DLGAP2: variants seen among roughly 807,000 people sequenced by gnomAD.
DLGAP2 encodes DLG associated protein 2.
DLGAP2 carries 26 observed loss-of-function variants against 100.3 expected under a neutral mutation model. The observed-to-expected ratio is 0.26, with a 90% CI of 0.19 to 0.36. The LOEUF is 0.36. Ranked by LOEUF, DLGAP2 falls within the 10% of genes least tolerant of loss-of-function variation. DLGAP2 has a pLI of 1.00. For synonymous variants in DLGAP2, 886 were observed against 630.1 expected (o/e 1.41, Z -6.08); for missense variants, 1,858 against 1,453.2 (o/e 1.28, Z -4.53).
chr8:1,485,321 C>A (rs527506407), intron 3 of DLGAP2, among the ~76,000 whole-genome samples: 40 of 152,236 alleles, frequency 2.6e-4, no homozygotes, highest in African/African-American at 8.9e-4. Flanking sequence ...TATCATTTTT[C>A]CACCTAGAGC....
intron 1 of DLGAP2, among the ~76,000 whole-genome samples, chr8:828,428 GA>G (rs1278353723): frequency 2.6e-5 from 4 of 152,192 alleles, no homozygotes; most frequent in Non-Finnish European, 5.9e-5. Context: ...ATTTGCTTTT[GA>G]AAGAAGAGAA....
At chr8:1,377,310 C>T (rs549771594) in intron 3 of DLGAP2, among the ~76,000 whole-genome samples, 13 of 152,244 alleles carry the variant, frequency 8.5e-5, no homozygotes, top group South Asian at 2.1e-4. Context: ...TTTGGGAGGC[C>T]GAGGCGGGCG....
intron 2 of DLGAP2, among the ~76,000 whole-genome samples, chr8:993,746 T>C (rs1482440687): frequency 6.6e-6 from 1 of 150,470 alleles, no homozygotes; most frequent in Non-Finnish European, 1.5e-5. Context: ...AGCAGTTCTC[T>C]AGATGCAGAC....
chr8:854,313 C>A (rs1374938672), intron 1 of DLGAP2, among the ~76,000 whole-genome samples: 1 of 152,058 alleles, frequency 6.6e-6, no homozygotes, highest in Non-Finnish European at 1.5e-5. Flanking sequence ...TGAGTGGGGG[C>A]CTTCAGTGGG....
chr8:1,455,070 C>G (rs1798269579), intron 3 of DLGAP2, among the ~76,000 whole-genome samples: 2 of 152,216 alleles, frequency 1.3e-5, no homozygotes, highest in South Asian at 2.1e-4. Context: ...AGGTTCCAGA[C>G]ACATCATCAG....
chr8:1,152,127 G>T (rs765364504), intron 2 of DLGAP2, among the ~76,000 whole-genome samples: 6 of 152,040 alleles, frequency 3.9e-5, no homozygotes, highest in Non-Finnish European at 8.8e-5. Context: ...ATATTTACTG[G>T]CTATATTTCT....
rs559342463 is a variant in DLGAP2 at position 1,444,502 on chromosome 8, C to G, written c.107-56864C>G. 8.3e-4 allele frequency among the ~76,000 whole-genome samples: 126 copies of G among 152,248 alleles called. 1 individual carries two copies. The Middle Eastern group carries it at 0.014, about 16-fold the overall frequency. Reference sequence around the variant, plus strand: ...ATCTGCCTTCATTTGCATGGTGGGTCTTTGCATTTCTTATGGAATTTTTTA... The same window carrying G: ...ATCTGCCTTCATTTGCATGGTGGGTGTTTGCATTTCTTATGGAATTTTTTA... On this transcript the variant is annotated intron_variant, in intron 3 of 14. Transcript: ENST00000637795.
Position 1,701,972 on chromosome 8 carries a change from A to G in DLGAP2, c.*566A>G, listed in dbSNP as rs1799586816. ...CTGTCTGTCTCGGACAGAAAACACG[A>G]GGCTCCTTGTGTCAAGCTTCCTGTG... On this transcript the variant is annotated 3_prime_UTR_variant, in exon 15 of 15. Transcript: ENST00000637795. 6.6e-6 allele frequency: 1 copy of G among 152,164 alleles called. No homozygotes were observed. The highest frequency in any genetic ancestry group is 2.4e-5 in the African/African-American group (1 of 41,412). The allele number at this position is 152,164 out of a possible 1,614,324, so 9.4% of individuals were successfully genotyped here.
chr8:1,289,401 G>C (rs760595231), intron 3 of DLGAP2, among the ~76,000 whole-genome samples: 2 of 152,188 alleles, frequency 1.3e-5, no homozygotes, highest in African/African-American at 2.4e-5. Context: ...TCCACTGTTA[G>C]TTCAGAGTGG....
rs148017331 is a variant in DLGAP2, at chr8:892,208, C to A, written c.19-15704C>A. ...CCAGCCGTTCCCCTCCTGAGTTGATCCAAATGATAGACAGCGGGGTCTCGG... is the reference window on the plus strand; with the variant it reads ...CCAGCCGTTCCCCTCCTGAGTTGATACAAATGATAGACAGCGGGGTCTCGG... On this transcript the variant is annotated intron_variant, in intron 1 of 14. Coordinates refer to ENST00000637795, the MANE Select transcript of DLGAP2 (RefSeq NM_001346810.2). Among the ~76,000 whole-genome samples the A allele has an allele frequency of 4.6e-3, 699 of 152,292 alleles. 4 individuals are homozygous for A. The highest frequency in any genetic ancestry group is 0.016 in the African/African-American group (652 of 41,558).
chr8:1,244,272 A>G (rs1214571862), intron 2 of DLGAP2, among the ~76,000 whole-genome samples: 4 of 152,234 alleles, frequency 2.6e-5, no homozygotes, highest in African/African-American at 7.2e-5. Flanking sequence ...CTCTGTCACA[A>G]TGTGGAGGTG....
At chr8:1,515,040 A>ACGTGCAGGGAGACCG (rs1563195536) in intron 4 of DLGAP2, among the ~76,000 whole-genome samples, 15 of 151,358 alleles carry the variant, frequency 9.9e-5, no homozygotes, top group East Asian at 2.0e-4. Context: ...CAGGGAGACC[A>ACGTGCAGGGAGACCG]ACGTGCAGGG....
At chr8:1,542,036 C>A (rs539995690) in intron 4 of DLGAP2, among the ~76,000 whole-genome samples, 24 of 152,328 alleles carry the variant, frequency 1.6e-4, no homozygotes, top group Admixed American at 1.4e-3. Flanking sequence ...CAGGAAACAG[C>A]TTCAGCCACA....
At chr8:1,435,992 A>G (rs1797611096) in intron 3 of DLGAP2, among the ~76,000 whole-genome samples, 1 of 152,232 alleles carries the variant, frequency 6.6e-6, no homozygotes, top group Admixed American at 6.5e-5. Flanking sequence ...CAGCCTTACA[A>G]GAGAGTCAAA....
intron 3 of DLGAP2, among the ~76,000 whole-genome samples, chr8:1,333,137 G>A (rs1358434327): frequency 6.6e-6 from 1 of 152,182 alleles, no homozygotes; most frequent in Non-Finnish European, 1.5e-5. Flanking sequence ...TCCGGCTGCA[G>A]GCGTGAGCAC....
At chr8:1,220,799 A>G (rs771116716) in intron 2 of DLGAP2, among the ~76,000 whole-genome samples, 3 of 152,212 alleles carry the variant, frequency 2.0e-5, no homozygotes, top group Admixed American at 6.5e-5. Flanking sequence ...TTGGGTGCCT[A>G]TATATTTAGT....
Position 1,678,452 on chromosome 8 carries a change from C to A in DLGAP2, c.2527C>A (p.Pro843Thr), listed in dbSNP as rs1169716867. The part of the protein sequence containing the change: ...YRTQVDTSTL[P>T]PPDPWLEPAI... ...GACCCAAGTGGACACCTCCACCCTG[C>A]CCCCTCCAGACCCCTGGCTGGAGCC... Residue 843 changes from proline to threonine, a missense_variant, in exon 12 of 15, where the codon CCC becomes ACC. Pro to Thr is a conservative substitution (Grantham distance 38, BLOSUM62 -1). Transcript: ENST00000637795. The A allele has an allele frequency of 6.2e-7, 1 of 1,613,512 alleles. No individual in the cohort carries two copies. Among genetic ancestry groups the A allele is most frequent in the Non-Finnish European group, 8.5e-7 (1 of 1,179,704 alleles).
intron 1 of DLGAP2, among the ~76,000 whole-genome samples, chr8:799,225 C>T (rs571291489): frequency 1.3e-4 from 20 of 152,308 alleles, no homozygotes; most frequent in Admixed American, 4.6e-4. Context: ...TTCTCGGGCT[C>T]CTTCCCTCGT....
At chr8:1,011,435 G>A (rs527600462) in intron 2 of DLGAP2, among the ~76,000 whole-genome samples, 5 of 150,234 alleles carry the variant, frequency 3.3e-5, no homozygotes, top group Admixed American at 6.6e-5. Flanking sequence ...GGAATGAGGG[G>A]TCTCAGTCTA....
Sources: gnomAD v4.1 joint callset for allele counts (sites outside exome capture counted in the v4.1 genomes callset) on GRCh38, gnomAD v4.1.1 for gene constraint, MANE v1.5 for transcripts, NCBI Gene and HGNC (gene_info 2026-07-23, HGNC 2026-07-21) for gene names.